AUTS2: variants seen among roughly 807,000 people sequenced by gnomAD.
AUTS2 encodes activator of transcription and developmental regulator AUTS2, also known as autism susceptibility gene 2 protein.
In AUTS2, 17 loss-of-function variants were observed where a neutral mutation model predicts 112.4. The ratio of observed to expected loss-of-function variants is 0.15; its 90% confidence interval spans 0.10 to 0.23. AUTS2 has a LOEUF of 0.23. Ranked by LOEUF, AUTS2 falls within the 10% of genes least tolerant of loss-of-function variation. The pLI is 1.00. For missense variants in AUTS2, 1,510 were observed against 1,701.6 expected (o/e 0.89, Z 1.98); for synonymous variants, 751 against 702.7 (o/e 1.07, Z -1.09).
chr7:70,252,259 G>A (rs1786641053), intron 4 of AUTS2, among the ~76,000 whole-genome samples: 1 of 152,058 alleles, frequency 6.6e-6, no homozygotes, highest in Non-Finnish European at 1.5e-5. Flanking sequence ...CAATGCACAA[G>A]GGTTCTCATT....
intron 2 of AUTS2, among the ~76,000 whole-genome samples, chr7:70,092,554 C>T (rs1171086894): frequency 6.6e-6 from 1 of 152,128 alleles, no homozygotes; most frequent in East Asian, 1.9e-4. Flanking sequence ...TTTATTGAGA[C>T]TGGACAACCC....
Position 70,766,073 on chromosome 7 carries a change from G to A in AUTS2, c.1469-41G>A. ...GGAAGGCAGTCCGATGTCCTTTTCTGAAGGAAAAGGCGTCATCGTCTCCCT... is the reference window on the plus strand; with the variant it reads ...GGAAGGCAGTCCGATGTCCTTTTCTAAAGGAAAAGGCGTCATCGTCTCCCT... On this transcript the variant is annotated intron_variant, in intron 8 of 18. Coordinates refer to ENST00000342771, the MANE Select transcript of AUTS2 (RefSeq NM_015570.4). The surrounding 1 kb of genome is among the most constrained non-coding windows in gnomAD (Gnocchi z 4.8). 1 of 1,594,392 alleles carries A rather than the reference G, an allele frequency of 6.3e-7. No individual in the cohort carries two copies.
intron 4 of AUTS2, among the ~76,000 whole-genome samples, chr7:70,373,952 A>G (rs767631054): frequency 8.5e-5 from 13 of 152,078 alleles, no homozygotes; most frequent in Non-Finnish European, 1.3e-4. Context: ...GTCTATACGG[A>G]ATGTCATTTC....
chr7:69,712,568 TG>T (rs1488243845), intron 1 of AUTS2, among the ~76,000 whole-genome samples: 2 of 152,218 alleles, frequency 1.3e-5, no homozygotes, highest in Non-Finnish European at 2.9e-5. Context: ...TCCTTTTTAT[TG>T]CTGAGTAGTA....
At chr7:70,103,127 G>A (rs879042255) in intron 2 of AUTS2, among the ~76,000 whole-genome samples, 1 of 152,116 alleles carries the variant, frequency 6.6e-6, no homozygotes, top group Non-Finnish European at 1.5e-5. Flanking sequence ...AAATATTAGA[G>A]CTATCCAAAG....
intron 2 of AUTS2, among the ~76,000 whole-genome samples, chr7:70,049,311 C>T (rs779052649): frequency 1.3e-5 from 2 of 151,992 alleles, no homozygotes; most frequent in Non-Finnish European, 2.9e-5. Context: ...CTTTTTCCAA[C>T]TCTATTAGCA....
chr7:70,764,674 AG>A (rs1789799291), intron 7 of AUTS2, 77 bp from the exon 8 acceptor site: 4 of 684,070 alleles, frequency 5.8e-6, no homozygotes, highest in African/African-American at 1.8e-5. Flanking sequence ...TAGGGGAAGG[AG>A]GTAGGATTCT....
chr7:70,639,548 T>C (rs1429777050), intron 5 of AUTS2, among the ~76,000 whole-genome samples: 8 of 140,744 alleles, frequency 5.7e-5, no homozygotes, highest in Non-Finnish European at 1.2e-4. Flanking sequence ...ACCTGGGAGG[T>C]TGAGGCTGCA....
chr7:70,781,641 G>A lies in AUTS2; in HGVS notation c.2031G>A (p.Lys677=), dbSNP rs1791089323. The A allele has an allele frequency of 6.2e-7, 1 of 1,614,138 alleles. No homozygotes were observed. Among genetic ancestry groups the A allele is most frequent in the East Asian group, 2.2e-5 (1 of 44,868 alleles). The part of the protein sequence containing the change: ...VKKQMQSDPH[K]LDFGLKPEFL... ...AACAGATGCAGTCAGACCCACATAA[G>A]CTGGACTTTGGACTGAAACCTGAGT... Residue 677 remains lysine, a synonymous_variant, in exon 15 of 19, where the codon AAG becomes AAA. Transcript: ENST00000342771.
chr7:70,124,901 G>A (rs1175985646), intron 3 of AUTS2, among the ~76,000 whole-genome samples: 1 of 152,164 alleles, frequency 6.6e-6, no homozygotes, highest in African/African-American at 2.4e-5. Context: ...GAGTGAAAAG[G>A]TAGAGTCAAA....
intron 2 of AUTS2, among the ~76,000 whole-genome samples, chr7:70,065,189 C>T (rs573104729): frequency 6.6e-6 from 1 of 152,106 alleles, no homozygotes; most frequent in African/African-American, 2.4e-5. Context: ...TGAACCCCAA[C>T]CCTCCCCTAG....
chr7:69,621,902 C>A (rs1476980891), intron 1 of AUTS2, among the ~76,000 whole-genome samples: 1 of 146,804 alleles, frequency 6.8e-6, no homozygotes. Flanking sequence ...TTTTTTTTTT[C>A]TTTCTTTCTT....
At chr7:69,649,498 A>G (rs553090456) in intron 1 of AUTS2, among the ~76,000 whole-genome samples, 4 of 151,266 alleles carry the variant, frequency 2.6e-5, no homozygotes, top group Admixed American at 6.6e-5. Flanking sequence ...CTGCTTTGTC[A>G]GAGTCTCACT....
At chr7:70,128,506 A>G (rs1584763891) in intron 3 of AUTS2, among the ~76,000 whole-genome samples, 6 of 152,316 alleles carry the variant, frequency 3.9e-5, no homozygotes, top group Admixed American at 3.9e-4. Context: ...AAGTAAAGAA[A>G]AGAAGGTAGA....
intron 5 of AUTS2, among the ~76,000 whole-genome samples, chr7:70,687,878 C>A (rs1808549553): frequency 6.6e-6 from 1 of 152,178 alleles, no homozygotes. Flanking sequence ...TCAAATGAAT[C>A]AGCCTACACA....
chr7:69,913,087 A>G (rs1052154298), intron 2 of AUTS2, among the ~76,000 whole-genome samples: 4 of 152,148 alleles, frequency 2.6e-5, no homozygotes, highest in Non-Finnish European at 5.9e-5. Context: ...TGCAACTACA[A>G]CTGCTATTTG....
chr7:69,950,089 A>G (rs1314137465), intron 2 of AUTS2, among the ~76,000 whole-genome samples: 1 of 152,122 alleles, frequency 6.6e-6, no homozygotes, highest in East Asian at 1.9e-4. Context: ...ATTTTTCCCT[A>G]AGTATTGCTT....
At chr7:70,166,862 A>G (rs1771590660) in intron 4 of AUTS2, among the ~76,000 whole-genome samples, 1 of 152,222 alleles carries the variant, frequency 6.6e-6, no homozygotes, top group South Asian at 2.1e-4. Flanking sequence ...CTGCCTGCAA[A>G]AAACCCATTT....
intron 1 of AUTS2, among the ~76,000 whole-genome samples, chr7:69,615,048 ATT>A (rs527898335): frequency 6.6e-4 from 101 of 152,278 alleles, no homozygotes; most frequent in Non-Finnish European, 1.2e-3. Flanking sequence ...TTATGCTTTG[ATT>A]TTATGTATTT....
Sources: allele counts gnomAD v4.1 joint callset (sites outside exome capture counted in the v4.1 genomes callset), GRCh38; gene constraint gnomAD v4.1.1; non-coding constraint Gnocchi (gnomAD v3.1); transcripts MANE v1.5; gene names NCBI Gene and HGNC (gene_info 2026-07-23, HGNC 2026-07-21).